Variants in CSMD3 observed in about 807,000 individuals in gnomAD.
CSMD3 encodes CUB and sushi domain-containing protein 3.
Under a neutral mutation model 435.2 loss-of-function variants are expected in CSMD3, and 177 were observed. The ratio of observed to expected loss-of-function variants is 0.41; its 90% CI spans 0.36 to 0.46. CSMD3 has a LOEUF of 0.46. Ranked by LOEUF, CSMD3 falls within the 20% of genes least tolerant of loss-of-function variation. The pLI, the probability that CSMD3 is intolerant of heterozygous loss-of-function variation, is 0.34. For synonymous variants in CSMD3, 1,656 were observed against 1,520.5 expected (o/e 1.09, Z -2.07); for missense variants, 4,265 against 4,504.6 (o/e 0.95, Z 1.52).
At chr8:113,299,721 A>G in intron 2 of CSMD3, among the ~76,000 whole-genome samples, 1 of 152,084 alleles carries the variant, frequency 6.6e-6, no homozygotes, top group South Asian at 2.1e-4. Context: ...ACAGCTGGGC[A>G]CAGTGGCTCA....
chr8:113,324,391 G>GTGTCCCAGCTGCT (rs2093969372), intron 1 of CSMD3, among the ~76,000 whole-genome samples: 2 of 152,108 alleles, frequency 1.3e-5, no homozygotes, highest in South Asian at 4.1e-4. Context: ...TTAGTGCTCT[G>GTGTCCCAGCTGCT]TGTCCCAGCT....
chr8:113,295,620 G>A (rs1447907816), intron 2 of CSMD3, among the ~76,000 whole-genome samples: 1 of 152,178 alleles, frequency 6.6e-6, no homozygotes, highest in Non-Finnish European at 1.5e-5. Flanking sequence ...GGGCCAGCAT[G>A]TTAGCTCACG....
chr8:112,874,186 C>T (rs2081214212), intron 10 of CSMD3, among the ~76,000 whole-genome samples: 1 of 152,110 alleles, frequency 6.6e-6, no homozygotes, highest in Non-Finnish European at 1.5e-5. Flanking sequence ...CATTTAGGAG[C>T]AGGTTGTTCA....
chr8:112,700,172 A>G (rs2076357828), intron 13 of CSMD3, among the ~76,000 whole-genome samples: 1 of 152,158 alleles, frequency 6.6e-6, no homozygotes, highest in Non-Finnish European at 1.5e-5. Flanking sequence ...TAGTAGTTTT[A>G]AAACATGTCT....
chr8:113,097,896 A>T (rs1398350248), intron 5 of CSMD3, among the ~76,000 whole-genome samples: 1 of 151,930 alleles, frequency 6.6e-6, no homozygotes, highest in Non-Finnish European at 1.5e-5. Context: ...ATTATACATC[A>T]TCAGTATCTC....
At chr8:112,865,096 A>G (rs180903326) in intron 10 of CSMD3, among the ~76,000 whole-genome samples, 44 of 152,304 alleles carry the variant, frequency 2.9e-4, no homozygotes, top group Non-Finnish European at 3.8e-4. Context: ...TTGTCTACCA[A>G]TGTATTCCTA....
At chr8:113,075,447 A>G (rs1315281598) in intron 5 of CSMD3, among the ~76,000 whole-genome samples, 1 of 151,834 alleles carries the variant, frequency 6.6e-6, no homozygotes, top group African/African-American at 2.4e-5. Flanking sequence ...GCTAAGTATG[A>G]TCCTTCTTAC....
At chr8:113,436,205 G>T (rs1324482748) in intron 1 of CSMD3, among the ~76,000 whole-genome samples, 1 of 152,122 alleles carries the variant, frequency 6.6e-6, no homozygotes, top group Non-Finnish European at 1.5e-5. Flanking sequence ...AGATCCCTGT[G>T]CCCTAATGCA....
At chr8:112,303,036 A>G (rs1197723139) in intron 52 of CSMD3, among the ~76,000 whole-genome samples, 2 of 152,124 alleles carry the variant, frequency 1.3e-5, no homozygotes, top group East Asian at 1.9e-4. Flanking sequence ...CCTTTAAACA[A>G]TTCTACATAG....
chr8:113,067,470 G>C (rs2088910415), intron 5 of CSMD3, among the ~76,000 whole-genome samples: 1 of 152,090 alleles, frequency 6.6e-6, no homozygotes, highest in Non-Finnish European at 1.5e-5. Flanking sequence ...GCTTTGTGAA[G>C]TTCTAAAATT....
chr8:112,390,273 C>T (rs1036274393), intron 36 of CSMD3, among the ~76,000 whole-genome samples: 12 of 152,274 alleles, frequency 7.9e-5, no homozygotes, highest in Admixed American at 1.3e-4. Flanking sequence ...AGGGCTGTTA[C>T]GCCTAGAGCT....
chr8:112,255,591 T>TAAA lies in CSMD3; in HGVS notation c.9863-167_9863-165dup, dbSNP rs1369469179. On this transcript the variant is annotated intron_variant, in intron 61 of 70. Transcript: ENST00000297405. ...ATTTATTTTTTAGCTTATGTGCAGA[T>TAAA]AAATACTGAATTGAAAACTCAGTAT... 4.7e-6 allele frequency: 3 copies of TAAA among 642,688 alleles called. No homozygotes were observed. In the Admixed American group the frequency reaches 8.4e-5, roughly 18 times the overall value. 39.8% of individuals were successfully genotyped at this position (642,688 alleles called of 1,614,324 possible). A position where few individuals can be genotyped will look rare whatever the true frequency, so the allele number is the denominator to read the frequency against.
At chr8:113,272,572 A>G (rs564901448) in intron 3 of CSMD3, among the ~76,000 whole-genome samples, 32 of 151,200 alleles carry the variant, frequency 2.1e-4, no homozygotes, top group African/African-American at 6.1e-4. Flanking sequence ...CATGTAAGAA[A>G]TGTGTTTTGC....
chr8:113,168,964 T>G (rs908735170), intron 4 of CSMD3, among the ~76,000 whole-genome samples: 4 of 152,144 alleles, frequency 2.6e-5, no homozygotes, highest in Non-Finnish European at 4.4e-5. Flanking sequence ...ATCCTTTCAT[T>G]AACTAAGTCA....
chr8:112,675,578 C>T (rs78193900), intron 16 of CSMD3, among the ~76,000 whole-genome samples: 3,794 of 152,158 alleles, frequency 0.025, 78 homozygotes, highest in East Asian at 0.074. Flanking sequence ...ACATCAGAGC[C>T]TTCTGAGACT....
At chr8:112,682,157 T>C (rs532166237) in intron 16 of CSMD3, among the ~76,000 whole-genome samples, 1 of 152,170 alleles carries the variant, frequency 6.6e-6, no homozygotes, top group East Asian at 1.9e-4. Flanking sequence ...CTAGGAAGTA[T>C]ACTATAGAGA....
chr8:112,572,452 C>G (rs1253614941), intron 24 of CSMD3, among the ~76,000 whole-genome samples: 1 of 151,910 alleles, frequency 6.6e-6, no homozygotes, highest in African/African-American at 2.4e-5. Context: ...TTTCTTATAC[C>G]ATTAAGATAG....
chr8:112,414,026 C>T (rs1475427044), intron 32 of CSMD3, among the ~76,000 whole-genome samples: 1 of 152,068 alleles, frequency 6.6e-6, no homozygotes, highest in Non-Finnish European at 1.5e-5. Context: ...GGCCAGAATC[C>T]CCCTCATCCC....
chr8:112,393,669 C>T (rs1830629097), intron 35 of CSMD3, among the ~76,000 whole-genome samples: 1 of 152,162 alleles, frequency 6.6e-6, no homozygotes, highest in African/African-American at 2.4e-5. Flanking sequence ...TCATGCATTG[C>T]ATCAGACTTT....
Sources: allele counts gnomAD v4.1 joint callset (sites outside exome capture counted in the v4.1 genomes callset), GRCh38; gene constraint gnomAD v4.1.1; transcripts MANE v1.5; gene names NCBI Gene and HGNC (gene_info 2026-07-23, HGNC 2026-07-21).